ZNF536: variants seen among roughly 807,000 people sequenced by gnomAD.
ZNF536 encodes zinc finger protein 536.
Under a neutral mutation model 84.5 loss-of-function variants are expected in ZNF536, and 13 were observed. The ratio of observed to expected loss-of-function variants is 0.15; its 90% confidence interval spans 0.10 to 0.24. The LOEUF (loss-of-function observed/expected upper bound fraction) is 0.24. Among genes scored for constraint, ZNF536 ranks in the 10% least tolerant of loss-of-function variants. ZNF536 has a pLI of 1.00. For synonymous variants in ZNF536, 811 were observed against 742.5 expected, an observed-to-expected ratio of 1.09 and a Z score of -1.50; for missense variants, 1,536 against 1,747.5, an observed-to-expected ratio of 0.88 and a Z score of 2.16.
chr19:30,617,509 C>A (rs2147108320), intron 1 of ZNF536, among the ~76,000 whole-genome samples: 1 of 151,488 alleles, frequency 6.6e-6, no homozygotes, highest in East Asian at 1.9e-4. Context: ...TGCCACCACG[C>A]CTGGCTAATT....
intron 1 of ZNF536, among the ~76,000 whole-genome samples, chr19:30,251,942 A>G (rs2024633622): frequency 6.6e-6 from 1 of 152,152 alleles, no homozygotes; most frequent in Non-Finnish European, 1.5e-5. Flanking sequence ...GTAGTATTCC[A>G]TTGCACATAT....
intron 2 of ZNF536, among the ~76,000 whole-genome samples, chr19:30,326,586 A>G (rs575149621): frequency 6.6e-6 from 1 of 151,972 alleles, no homozygotes; most frequent in Non-Finnish European, 1.5e-5. Flanking sequence ...CCCCCGACGC[A>G]TAGGTGGGTG....
At chr19:30,652,581 T>C (rs892383993) in intron 1 of ZNF536, among the ~76,000 whole-genome samples, 15 of 152,174 alleles carry the variant, frequency 9.9e-5, no homozygotes, top group Non-Finnish European at 1.8e-4. Flanking sequence ...CCCCCATGGA[T>C]GCAGAGAGGT....
chr19:30,281,803 G>T (rs907047442), intron 1 of ZNF536, among the ~76,000 whole-genome samples: 1 of 152,122 alleles, frequency 6.6e-6, no homozygotes, highest in African/African-American at 2.4e-5. Context: ...CATGCTTTTT[G>T]TCGCCTTTGC....
chr19:30,340,921 G>C (rs1369176325), intron 2 of ZNF536, among the ~76,000 whole-genome samples: 2 of 152,026 alleles, frequency 1.3e-5, no homozygotes, highest in Admixed American at 1.3e-4. Flanking sequence ...CTTCTCTTCT[G>C]CTGCTGTGCA....
At chr19:30,693,984 C>T (rs566095519) in intron 1 of ZNF536, among the ~76,000 whole-genome samples, 3 of 152,200 alleles carry the variant, frequency 2.0e-5, no homozygotes, top group East Asian at 1.9e-4. Context: ...ACCCATATGG[C>T]CCCCCCAACC....
intron 1 of ZNF536, among the ~76,000 whole-genome samples, chr19:30,440,022 A>G (rs758175077): frequency 7.7e-6 from 1 of 129,582 alleles, no homozygotes; most frequent in Non-Finnish European, 1.5e-5. Flanking sequence ...GTGCAATGGC[A>G]TGATCTCAGC....
intron 2 of ZNF536, among the ~76,000 whole-genome samples, chr19:30,285,607 G>T (rs1235252494): frequency 6.6e-6 from 1 of 152,166 alleles, no homozygotes; most frequent in African/African-American, 2.4e-5. Context: ...CAGTGGAAGT[G>T]GCTTTAAACC....
chr19:30,673,449 T>A (rs1410429433), intron 1 of ZNF536, among the ~76,000 whole-genome samples: 1 of 152,220 alleles, frequency 6.6e-6, no homozygotes, highest in Non-Finnish European at 1.5e-5. Flanking sequence ...ACATTCTCTC[T>A]GTGTCTGAGA....
intron 1 of ZNF536, among the ~76,000 whole-genome samples, chr19:30,582,311 C>T (rs1456438270): frequency 6.6e-6 from 1 of 151,202 alleles, no homozygotes; most frequent in African/African-American, 2.4e-5. Context: ...GAAAACAATT[C>T]TCTACATGCT....
In ZNF536 at chr19:30,388,486, T is replaced by A. The variant is rs544486246; in HGVS notation, c.-3+15930T>A. 8.3e-4 allele frequency among the ~76,000 whole-genome samples: 126 copies of A among 152,248 alleles called. 3 individuals carry two copies. The highest frequency in any genetic ancestry group is 6.8e-3 in the Middle Eastern group (2 of 294). ...TCATGGTCCACTGGAAGGTGGGAGTTCCACCCCACAGAGACCACCCAGCGG... is the reference window on the plus strand; with the variant it reads ...TCATGGTCCACTGGAAGGTGGGAGTACCACCCCACAGAGACCACCCAGCGG... On this transcript the variant is annotated intron_variant, in intron 1 of 4. Transcript: ENST00000355537.
chr19:30,267,828 C>T (rs923155018), intron 1 of ZNF536, among the ~76,000 whole-genome samples: 1 of 152,064 alleles, frequency 6.6e-6, no homozygotes, highest in Non-Finnish European at 1.5e-5. Context: ...CTTTGCGAGT[C>T]TCGCTTTCTT....
chr19:30,440,370 A>G (rs2051980747), intron 1 of ZNF536, among the ~76,000 whole-genome samples: 1 of 152,046 alleles, frequency 6.6e-6, no homozygotes, highest in Non-Finnish European at 1.5e-5. Context: ...ACTTGTGCGA[A>G]GGCTGAGGTT....
At chr19:30,638,781 A>G (rs1313204595) in intron 1 of ZNF536, among the ~76,000 whole-genome samples, 1 of 152,224 alleles carries the variant, frequency 6.6e-6, no homozygotes, top group Non-Finnish European at 1.5e-5. Context: ...GATTAGGACA[A>G]GAGCAAAACT....
At chr19:30,478,499 C>CAT (rs1269256244) in intron 2 of ZNF536, among the ~76,000 whole-genome samples, 3 of 152,154 alleles carry the variant, frequency 2.0e-5, no homozygotes, top group Non-Finnish European at 4.4e-5. Context: ...CTCAGTCAGG[C>CAT]ATGGTCTGAG....
At chr19:30,702,686 A>G (rs1486265710) in intron 1 of ZNF536, among the ~76,000 whole-genome samples, 1 of 152,148 alleles carries the variant, frequency 6.6e-6, no homozygotes, top group Admixed American at 6.5e-5. Flanking sequence ...ACCTGCTCCT[A>G]GGATGCTGCA....
intron 2 of ZNF536, among the ~76,000 whole-genome samples, chr19:30,495,539 C>T (rs774775083): frequency 3.9e-5 from 6 of 152,192 alleles, no homozygotes; most frequent in Non-Finnish European, 7.3e-5. Flanking sequence ...AAGTTGTCTA[C>T]AGAATCATAG....
chr19:30,697,789 G>A (rs2051725238), intron 1 of ZNF536, among the ~76,000 whole-genome samples: 2 of 152,124 alleles, frequency 1.3e-5, no homozygotes, highest in South Asian at 4.2e-4. Flanking sequence ...TGGGTTGCAG[G>A]CCCAGCAGAC....
intron 4 of ZNF536, chr19:30,553,982 T>G (rs1424130719): frequency 6.6e-6 from 1 of 152,100 alleles, no homozygotes; most frequent in Non-Finnish European, 1.5e-5. Context: ...CCCCAGCTTA[T>G]CATCCTCAGG....
Sources: gnomAD v4.1 joint callset for allele counts (sites outside exome capture counted in the v4.1 genomes callset) on GRCh38, gnomAD v4.1.1 for gene constraint, MANE v1.5 for transcripts, NCBI Gene and HGNC (gene_info 2026-07-23, HGNC 2026-07-21) for gene names.